Variants in RBFOX1 observed in about 807,000 individuals in gnomAD.
The protein encoded by RBFOX1 is RNA binding protein fox-1 homolog 1.
Under a neutral mutation model 57.7 loss-of-function variants are expected in RBFOX1, and 8 were observed. That is an observed-to-expected ratio of 0.14 (90% CI 0.08 to 0.25). The LOEUF is 0.25. RBFOX1 is among the 10% of genes least tolerant of loss of function. RBFOX1 has a pLI of 1.00. For synonymous variants in RBFOX1, 326 were observed against 222.4 expected (o/e 1.47, Z -4.15); for missense variants, 611 against 548.5 (o/e 1.11, Z -1.14).
At chr16:5,978,429 A>G (rs934586818) in intron 4 of RBFOX1, among the ~76,000 whole-genome samples, 1 of 152,314 alleles carries the variant, frequency 6.6e-6, no homozygotes, top group African/African-American at 2.4e-5. Flanking sequence ...TACCCTACAT[A>G]TGGTTTTCCC....
chr16:7,612,079 T>C (rs978330569), intron 10 of RBFOX1, among the ~76,000 whole-genome samples: 4 of 152,048 alleles, frequency 2.6e-5, no homozygotes, highest in African/African-American at 9.7e-5. Flanking sequence ...CCCAGCACTT[T>C]GGGAGGCCGA....
chr16:6,736,923 A>T (rs767871251), intron 3 of RBFOX1, among the ~76,000 whole-genome samples: 6 of 152,100 alleles, frequency 3.9e-5, no homozygotes, highest in Non-Finnish European at 8.8e-5. Context: ...GCTGTGATGG[A>T]TTGGTGATGT....
At chr16:5,294,926 A>G (rs2063625610) in intron 1 of RBFOX1, among the ~76,000 whole-genome samples, 1 of 148,834 alleles carries the variant, frequency 6.7e-6, no homozygotes, top group Non-Finnish European at 1.5e-5. Context: ...GCTACTCAGG[A>G]GGCTGAGGCT....
At chr16:7,076,447 A>G (rs1259925399) in intron 4 of RBFOX1, among the ~76,000 whole-genome samples, 1 of 152,198 alleles carries the variant, frequency 6.6e-6, no homozygotes, top group Non-Finnish European at 1.5e-5. Flanking sequence ...GAAAAAAGTT[A>G]AGAAAATAGG....
At chr16:5,506,171 A>T (rs73510593) in intron 2 of RBFOX1, among the ~76,000 whole-genome samples, 1 of 152,098 alleles carries the variant, frequency 6.6e-6, no homozygotes, top group African/African-American at 2.4e-5. Flanking sequence ...CTGTCTTCAC[A>T]GTGTTCCGGG....
Position 6,744,883 on chromosome 16 carries a change from C to G in RBFOX1, c.-16+90233C>G, listed in dbSNP as rs534148549. Among the ~76,000 whole-genome samples, 98 of 152,140 alleles carry G rather than the reference C, an allele frequency of 6.4e-4. 1 individual carries two copies. Among genetic ancestry groups the G allele is most frequent in the Middle Eastern group, 3.4e-3 (1 of 294 alleles). Reference sequence around the variant, plus strand: ...GTAGTAGGCCAAAAATGGAGGAAATCTTTGAAACCAAAAGCTGGTGTTTTG... The same window carrying G: ...GTAGTAGGCCAAAAATGGAGGAAATGTTTGAAACCAAAAGCTGGTGTTTTG... On this transcript the variant is annotated intron_variant, in intron 3 of 15. Coordinates refer to ENST00000550418, the MANE Select transcript of RBFOX1 (RefSeq NM_018723.4).
chr16:5,675,425 G>T (rs534427258), intron 3 of RBFOX1, among the ~76,000 whole-genome samples: 1 of 152,288 alleles, frequency 6.6e-6, no homozygotes, highest in East Asian at 1.9e-4. Context: ...TTTTCAGCCA[G>T]GCGGCCACAG....
chr16:6,964,296 G>C (rs1194208111), intron 3 of RBFOX1, among the ~76,000 whole-genome samples: 1 of 152,200 alleles, frequency 6.6e-6, no homozygotes, highest in Non-Finnish European at 1.5e-5. Context: ...TGGGATTATA[G>C]GCATGAGCTG....
At chr16:6,426,095 T>TCC (rs2093919132) in intron 2 of RBFOX1, among the ~76,000 whole-genome samples, 1 of 151,856 alleles carries the variant, frequency 6.6e-6, no homozygotes, top group South Asian at 2.1e-4. Flanking sequence ...CCTCTCTCTC[T>TCC]CTCTCTCTCT....
At chr16:7,349,385 C>A (rs542192602) in intron 4 of RBFOX1, among the ~76,000 whole-genome samples, 6 of 152,184 alleles carry the variant, frequency 3.9e-5, no homozygotes, top group Non-Finnish European at 8.8e-5. Flanking sequence ...ACTAAATCCT[C>A]CTCCTAATTC....
intron 4 of RBFOX1, among the ~76,000 whole-genome samples, chr16:5,895,078 TGA>T (rs35888556): frequency 0.057 from 8,618 of 152,230 alleles, 790 homozygotes; most frequent in African/African-American, 0.2. Context: ...TACTGAACTC[TGA>T]GAGAGAGTGA....
intron 1 of RBFOX1, among the ~76,000 whole-genome samples, chr16:5,390,580 C>T (rs1014291530): frequency 5.3e-5 from 8 of 152,136 alleles, no homozygotes; most frequent in African/African-American, 1.2e-4. Flanking sequence ...TGAGCCACCA[C>T]GCCTGGCCTC....
At chr16:6,329,663 G>A (rs2082772134) in intron 2 of RBFOX1, among the ~76,000 whole-genome samples, 1 of 152,190 alleles carries the variant, frequency 6.6e-6, no homozygotes, top group South Asian at 2.1e-4. Flanking sequence ...CAGGCATGGT[G>A]GCCCATGCCT....
At chr16:5,338,338 G>A (rs888101738) in intron 1 of RBFOX1, among the ~76,000 whole-genome samples, 18 of 152,204 alleles carry the variant, frequency 1.2e-4, no homozygotes, top group African/African-American at 4.3e-4. Flanking sequence ...TAATTGGGAA[G>A]TAGAGATGCT....
chr16:5,454,410 G>C (rs1185133881), intron 1 of RBFOX1, among the ~76,000 whole-genome samples: 2 of 152,216 alleles, frequency 1.3e-5, no homozygotes, highest in Non-Finnish European at 1.5e-5. Context: ...CAACTTGGTT[G>C]GACCACAGTG....
At chr16:6,351,234 A>G (rs957386901) in intron 2 of RBFOX1, among the ~76,000 whole-genome samples, 1 of 151,044 alleles carries the variant, frequency 6.6e-6, no homozygotes, top group African/African-American at 2.4e-5. Flanking sequence ...CTGTGTAATT[A>G]TATATATGCA....
Position 6,711,704 on chromosome 16 carries a change from C to T in RBFOX1, c.-16+57054C>T, listed in dbSNP as rs116113350. On this transcript the variant is annotated intron_variant, in intron 3 of 15. Coordinates refer to ENST00000550418, the MANE Select transcript of RBFOX1 (RefSeq NM_018723.4). ...TTACTTTATTAAGTCTCAGGTATGT[C>T]TCTGTAGCAGTATGAGAATGGACCG... is the stretch of plus-strand genomic sequence containing the variant. 9.1e-3 allele frequency among the ~76,000 whole-genome samples: 1,393 copies of T among 152,318 alleles called. 9 individuals are homozygous for T. The highest frequency in any genetic ancestry group is 0.029 in the African/African-American group (1,189 of 41,568).
intron 3 of RBFOX1, among the ~76,000 whole-genome samples, chr16:5,829,873 G>A (rs1396688743): frequency 6.6e-6 from 1 of 152,122 alleles, no homozygotes; most frequent in Non-Finnish European, 1.5e-5. Context: ...AAAACAGGGG[G>A]GAAGAAAAGG....
At chr16:6,556,661 C>A (rs1179834150) in intron 2 of RBFOX1, among the ~76,000 whole-genome samples, 1 of 151,938 alleles carries the variant, frequency 6.6e-6, no homozygotes, top group East Asian at 1.9e-4. Context: ...AGTGCCATGG[C>A]CAAATTGTTT....
Sources: gnomAD v4.1 joint callset for allele counts (sites outside exome capture counted in the v4.1 genomes callset) on GRCh38, gnomAD v4.1.1 for gene constraint, MANE v1.5 for transcripts, NCBI Gene and HGNC (gene_info 2026-07-23, HGNC 2026-07-21) for gene names.